Variants in SERPINA11 observed in about 807,000 individuals in gnomAD.
SERPINA11 encodes the protein serpin family A member 11, also known as serpin A11.
In SERPINA11, 28 loss-of-function variants were observed where a neutral mutation model predicts 29.4. The observed-to-expected ratio is 0.95, with a 90% CI of 0.70 to 1.30. SERPINA11 has a LOEUF of 1.30. Among genes scored for constraint, SERPINA11 ranks in the 50% most tolerant of loss-of-function variants. The pLI, the probability that SERPINA11 is intolerant of heterozygous loss-of-function variation, is 0.00. For synonymous variants in SERPINA11, 253 were observed against 206.6 expected (o/e 1.22, Z -1.92); for missense variants, 530 against 507.3 (o/e 1.04, Z -0.43).
chr14:94,443,304 G>T, intron 3 of SERPINA11, 79 bp from the exon 4 acceptor site: 1 of 1,418,028 alleles, frequency 7.1e-7, no homozygotes, highest in Non-Finnish European at 9.6e-7. Flanking sequence ...GGCAGCCTGA[G>T]CCATGGGAGA....
At chr14:94,449,513 CTTTCTTTCTTTCTT>C (rs1185273292) in intron 1 of SERPINA11, among the ~76,000 whole-genome samples, 5 of 79,988 alleles carry the variant, frequency 6.3e-5, no homozygotes, top group East Asian at 3.8e-4. Flanking sequence ...CTTTCTTTTT[CTTTCTTTCTTTCTT>C]TTTCTTTCTT....
In SERPINA11 at chr14:94,448,466, C is replaced by A. The variant is rs765540354; in HGVS notation, c.309G>T (p.Leu103=). 1.9e-6 allele frequency: 3 copies of A among 1,614,170 alleles called. No homozygotes were observed. In the Admixed American group the frequency reaches 5.0e-5, roughly 27 times the overall value. ...ANTSALILEG[L]GFNLTETPEA... ...CAGGGGTTTCTGTGAGGTTGAATCCCAGGCCCTCCAGGATCAGAGCTGAGG... is the reference window on the plus strand; with the variant it reads ...CAGGGGTTTCTGTGAGGTTGAATCCAAGGCCCTCCAGGATCAGAGCTGAGG... The change falls in exon 2 of 5, where the codon CTG becomes CTT. Residue 103 remains leucine (L), a synonymous_variant. Coordinates refer to ENST00000334708, the MANE Select transcript of SERPINA11 (RefSeq NM_001080451.2).
intron 3 of SERPINA11, 73 bp downstream of exon 3, chr14:94,446,258 C>T (rs1193820347): frequency 2.2e-6 from 3 of 1,357,842 alleles, no homozygotes; most frequent in South Asian, 1.4e-5. Context: ...TGGGCTTTTG[C>T]AGCTGGAGTT....
chr14:94,442,875 C>T (rs1375870555), intron 4 of SERPINA11, 66 bp from the exon 5 acceptor site: 6 of 1,414,810 alleles, frequency 4.2e-6, no homozygotes, highest in South Asian at 4.1e-5. Context: ...ACACTGTATT[C>T]CTGCCATGAA....
intron 1 of SERPINA11, among the ~76,000 whole-genome samples, chr14:94,450,128 T>C (rs1898560320): frequency 1.3e-5 from 2 of 152,160 alleles, no homozygotes; most frequent in Non-Finnish European, 2.9e-5. Flanking sequence ...GCCTCTGATA[T>C]CTGGGATGCC....
At position 94,448,568 on chromosome 14, in the gene SERPINA11, G is replaced by A. The variant is rs1416880734; in HGVS notation, c.207C>T (p.Ala69=). 4 of 1,614,166 alleles carry A rather than the reference G, an allele frequency of 2.5e-6. No homozygotes were observed. The highest frequency in any genetic ancestry group is 3.4e-6 in the Non-Finnish European group (4 of 1,180,040). The stretch of plus-strand genomic sequence containing the variant: ...CTGGCGAGAAGAAGATGTTTCCGGG[G>A]GCGTCTGCTGCCAGCTCTTTATACA... ...LRLYKELAAD[A]PGNIFFSPVS... The change falls in exon 2 of 5, where the codon GCC becomes GCT. Residue 69 remains alanine (A), a synonymous_variant. Coordinates refer to ENST00000334708, the MANE Select transcript of SERPINA11 (RefSeq NM_001080451.2).
chr14:94,443,856 C>T (rs1314660918), intron 3 of SERPINA11, among the ~76,000 whole-genome samples: 1 of 152,182 alleles, frequency 6.6e-6, no homozygotes, highest in East Asian at 1.9e-4. Context: ...ATCTGATTGC[C>T]ACATTTCCCT....
chr14:94,442,870 G>A, intron 4 of SERPINA11, 61 bp from the exon 5 acceptor site: 3 of 1,425,660 alleles, frequency 2.1e-6, no homozygotes, highest in East Asian at 2.3e-5. Flanking sequence ...GGAAGACACT[G>A]TATTCCTGCC....
chr14:94,452,598 A>ACAC (rs1898606797), intron 1 of SERPINA11, 131 bp downstream of exon 1: 1 of 120,098 alleles, frequency 8.3e-6, no homozygotes, highest in Non-Finnish European at 1.7e-5. Context: ...CAAAGCCAGG[A>ACAC]ACACACACAC....
At chr14:94,442,873 T>C in intron 4 of SERPINA11, 64 bp from the exon 5 acceptor site, 1 of 1,420,860 alleles carries the variant, frequency 7.0e-7, no homozygotes, top group Non-Finnish European at 9.6e-7. Flanking sequence ...AGACACTGTA[T>C]TCCTGCCATG....
intron 1 of SERPINA11, among the ~76,000 whole-genome samples, chr14:94,450,823 T>A (rs900942898): frequency 9.2e-5 from 14 of 151,990 alleles, no homozygotes; most frequent in African/African-American, 2.9e-4. Flanking sequence ...GCAAACAGGG[T>A]TGTCTCTACT....
At chr14:94,446,917 T>C (rs1480363106) in intron 2 of SERPINA11, among the ~76,000 whole-genome samples, 1 of 152,208 alleles carries the variant, frequency 6.6e-6, no homozygotes, top group Non-Finnish European at 1.5e-5. Flanking sequence ...GTCATAAAAA[T>C]TAATAAGAAA....
Position 94,448,237 on chromosome 14 carries a change from TC to T in SERPINA11, c.537del (p.Ile180LeufsTer5). ...NFTDSVTTGR[Q>X]INDYLRRQTY... The stretch of plus-strand genomic sequence containing the variant: ...GTTTGCCTTCTCAAATAGTCATTAA[TC>T]TGCCTCCCAGTTGTAACAGAATCTG... On this transcript the variant is annotated frameshift_variant, in exon 2 of 5. Transcript: ENST00000334708. LOFTEE classifies it high-confidence loss of function. 1 of 1,614,236 alleles carries T rather than the reference TC, an allele frequency of 6.2e-7. No individual in the cohort carries two copies. The highest frequency in any genetic ancestry group is 8.5e-7 in the Non-Finnish European group (1 of 1,180,042).
intron 2 of SERPINA11, among the ~76,000 whole-genome samples, chr14:94,447,887 G>A (rs745780417): frequency 6.6e-6 from 1 of 152,206 alleles, no homozygotes; most frequent in Non-Finnish European, 1.5e-5. Flanking sequence ...AAGTCTGGAT[G>A]GGTGTCTCTT....
chr14:94,450,211 A>C (rs545904546), intron 1 of SERPINA11, among the ~76,000 whole-genome samples: 68 of 152,220 alleles, frequency 4.5e-4, no homozygotes, highest in African/African-American at 1.5e-3. Flanking sequence ...GATGTCTGTT[A>C]CGTGCTGAAT....
Position 94,448,583 on chromosome 14 carries a change from C to A in SERPINA11, c.192G>T (p.Glu64Asp), listed in dbSNP as rs115117973. 1 of 1,614,042 alleles carries A rather than the reference C, an allele frequency of 6.2e-7. No homozygotes were observed. The highest frequency in any genetic ancestry group is 1.3e-5 in the African/African-American group (1 of 75,022). Residue 64 changes from glutamate to aspartate, a missense_variant, in exon 2 of 5, where the codon GAG (glutamate) becomes GAT (aspartate). Physicochemically the swap from Glu to Asp is conservative, Grantham distance 45 (BLOSUM62 2). Transcript: ENST00000334708. ...TGTTTCCGGGGGCGTCTGCTGCCAG[C>A]TCTTTATACAAACGCAAAGCAAAAT... ...ITNFALRLYK[E>D]LAADAPGNIF...
chr14:94,442,864 G>T, intron 4 of SERPINA11, 55 bp from the exon 5 acceptor site: 2 of 1,429,446 alleles, frequency 1.4e-6, no homozygotes, highest in Non-Finnish European at 1.9e-6. Flanking sequence ...TCAAGGGGAA[G>T]ACACTGTATT....
At chr14:94,444,195 A>G (rs925189594) in intron 3 of SERPINA11, among the ~76,000 whole-genome samples, 3 of 152,172 alleles carry the variant, frequency 2.0e-5, no homozygotes, top group Non-Finnish European at 4.4e-5. Flanking sequence ...CTAGTGGGGC[A>G]GGGGTCTGAC....
chr14:94,448,388 G>T lies in SERPINA11; in HGVS notation c.387C>A (p.Pro129=). The T allele has an allele frequency of 6.2e-7, 1 of 1,614,190 alleles. No individual in the cohort carries two copies. The highest frequency in any genetic ancestry group is 1.7e-5 in the Admixed American group (1 of 60,026). Reference sequence around the variant, plus strand: ...CTACTTTTAGTTCGAGTTTGGGGCTGGGCAGGGCAAGGGTGTGGAGGAGGC... The same window carrying T: ...CTACTTTTAGTTCGAGTTTGGGGCTTGGCAGGGCAAGGGTGTGGAGGAGGC... ...FRSLLHTLAL[P]SPKLELKVGN... is the part of the protein sequence containing the mutation. Residue 129 remains proline, a synonymous_variant, in exon 2 of 5, where the codon CCC becomes CCA. Transcript: ENST00000334708.
Sources: allele counts gnomAD v4.1 joint callset (sites outside exome capture counted in the v4.1 genomes callset), GRCh38; gene constraint gnomAD v4.1.1; transcripts MANE v1.5; gene names NCBI Gene and HGNC (gene_info 2026-07-23, HGNC 2026-07-21).